The following ADAM12 variants were observed in gnomAD, a reference collection of about 807,000 sequenced individuals.
ADAM12 encodes disintegrin and metalloproteinase domain-containing protein 12.
A neutral mutation model predicts 106.4 loss-of-function variants in ADAM12; 70 were observed. The observed-to-expected ratio is 0.66, with a 90% CI of 0.54 to 0.80. The LOEUF (loss-of-function observed/expected upper bound fraction) is 0.80. Among genes scored for constraint, ADAM12 ranks in the 30% least tolerant of loss-of-function variants. ADAM12 has a pLI of 0.00. For synonymous variants in ADAM12, 420 were observed against 433.5 expected (o/e 0.97, Z 0.39); for missense variants, 1,010 against 1,171.9 (o/e 0.86, Z 2.02).
intron 10 of ADAM12, among the ~76,000 whole-genome samples, chr10:126,094,751 T>G (rs3781033): frequency 6.6e-6 from 1 of 151,992 alleles, no homozygotes; most frequent in Non-Finnish European, 1.5e-5. Context: ...ACCAGCTATA[T>G]CTTATTCTTG....
intron 5 of ADAM12, among the ~76,000 whole-genome samples, chr10:126,121,794 C>G (rs1365071636): frequency 6.6e-6 from 1 of 152,022 alleles, no homozygotes; most frequent in African/African-American, 2.4e-5. Flanking sequence ...TTTAACAACT[C>G]TTAAATTTTA....
At chr10:126,171,590 C>T (rs373077426) in intron 3 of ADAM12, among the ~76,000 whole-genome samples, 22 of 152,212 alleles carry the variant, frequency 1.4e-4, no homozygotes, top group African/African-American at 5.3e-4. Context: ...TTGTTCACCG[C>T]TAAGTCTCCA....
intron 1 of ADAM12, among the ~76,000 whole-genome samples, chr10:126,355,081 A>C (rs1423009416): frequency 6.6e-6 from 1 of 152,224 alleles, no homozygotes; most frequent in Non-Finnish European, 1.5e-5. Flanking sequence ...ACATCAAAAT[A>C]TATGGAATGA....
At chr10:126,221,971 A>G (rs1281330615) in intron 3 of ADAM12, among the ~76,000 whole-genome samples, 2 of 152,212 alleles carry the variant, frequency 1.3e-5, no homozygotes, top group African/African-American at 4.8e-5. Flanking sequence ...ACAAGAAGTC[A>G]TCTTGTTCTA....
In ADAM12 at chr10:126,245,443, C is replaced by T. The variant is rs1958610412; in HGVS notation, c.260+33472G>A. Among the ~76,000 whole-genome samples the T allele has an allele frequency of 2.0e-5, 3 of 152,276 alleles. No individual in the cohort carries two copies. The South Asian group carries it at 6.2e-4, about 32-fold the overall frequency. On this transcript the variant is annotated intron_variant, in intron 3 of 22. Transcript: ENST00000448723. ...GCCCACTATGGAGGCATGGGGGACA[C>T]CAGGAGCTCCCAGTTGGAGAGGATG...
intron 1 of ADAM12, among the ~76,000 whole-genome samples, chr10:126,331,841 G>A (rs545748986): frequency 1.3e-5 from 2 of 152,278 alleles, no homozygotes; most frequent in South Asian, 4.1e-4. Context: ...AGCAAGTGGA[G>A]GTGCTGGCTC....
At chr10:126,077,015 G>T (rs1049847289) in intron 11 of ADAM12, among the ~76,000 whole-genome samples, 1 of 152,164 alleles carries the variant, frequency 6.6e-6, no homozygotes, top group African/African-American at 2.4e-5. Flanking sequence ...TAAAAATTCT[G>T]CCAAAAGGCT....
chr10:126,075,325 G>A (rs142534473), intron 11 of ADAM12, among the ~76,000 whole-genome samples: 54 of 152,262 alleles, frequency 3.5e-4, no homozygotes, highest in African/African-American at 1.2e-3. Context: ...AGGAAGTCAG[G>A]CTTTAGAGGA....
At position 126,071,495 on chromosome 10, in the gene ADAM12, A is replaced by G; in HGVS notation, c.1305T>C (p.Cys435=). 2 of 1,613,974 alleles carry G rather than the reference A, an allele frequency of 1.2e-6. No homozygotes were observed. Among genetic ancestry groups the G allele is most frequent in the Non-Finnish European group, 1.7e-6 (2 of 1,179,984 alleles). The stretch of plus-strand genomic sequence containing the variant: ...TTCTTACCTCTGGCTCCCCACAGTC[A>G]CACTCCTCTCCTTCTTCCACAAATC... ...GNRFVEEGEE[C]DCGEPEECMN... Residue 435 remains cysteine (C), a synonymous_variant, in exon 12 of 23, where the codon TGT becomes TGC. Transcript: ENST00000448723.
intron 21 of ADAM12, among the ~76,000 whole-genome samples, chr10:126,021,287 A>G (rs1953762661): frequency 6.6e-6 from 1 of 152,236 alleles, no homozygotes; most frequent in Non-Finnish European, 1.5e-5. Flanking sequence ...CCCAGTATAT[A>G]TCTAGCAACA....
chr10:126,130,658 C>A (rs1956288384), intron 5 of ADAM12, among the ~76,000 whole-genome samples: 1 of 152,188 alleles, frequency 6.6e-6, no homozygotes, highest in Non-Finnish European at 1.5e-5. Flanking sequence ...GAACTGGCAA[C>A]CCTGACAGTT....
At chr10:126,191,287 C>T (rs6597743) in intron 3 of ADAM12, among the ~76,000 whole-genome samples, 41,972 of 151,820 alleles carry the variant, frequency 0.28, 7,742 homozygotes, top group East Asian at 0.51. Context: ...AGTCACCGGG[C>T]CCAGTCTATG....
At chr10:126,021,528 A>AT (rs1457411752) in intron 21 of ADAM12, among the ~76,000 whole-genome samples, 1 of 152,240 alleles carries the variant, frequency 6.6e-6, no homozygotes, top group Non-Finnish European at 1.5e-5. Flanking sequence ...TGGGCTAGGA[A>AT]AAAGCCCCTG....
chr10:126,048,312 T>C (rs555072601), intron 16 of ADAM12, among the ~76,000 whole-genome samples: 1 of 152,294 alleles, frequency 6.6e-6, no homozygotes, highest in African/African-American at 2.4e-5. Flanking sequence ...CAAAATATGA[T>C]TTGAGCCTAA....
At chr10:126,041,381 C>G in intron 18 of ADAM12, 2 of 985,724 alleles carry the variant, frequency 2.0e-6, no homozygotes, top group Non-Finnish European at 2.4e-6. Flanking sequence ...GTAATGGCCA[C>G]GGGGGATGGA....
chr10:126,086,670 AAAAAAAAAAAATATATATAT>A (rs1167809311), intron 11 of ADAM12, among the ~76,000 whole-genome samples: 6 of 41,488 alleles, frequency 1.4e-4, no homozygotes, highest in East Asian at 1.4e-3. Context: ...AAAAAAAAAA[AAAAAAAAAAAATATATATAT>A]ATATATATAT....
rs191634748 is a variant in ADAM12 at position 126,307,694 on chromosome 10, C to T, written c.186+22718G>A. 3.9e-5 allele frequency among the ~76,000 whole-genome samples: 6 copies of T among 152,194 alleles called. No homozygotes were observed. In the East Asian group the frequency reaches 1.2e-3, roughly 29 times the overall value. On this transcript the variant is annotated intron_variant, in intron 2 of 22. Coordinates refer to ENST00000448723, the MANE Select transcript of ADAM12 (RefSeq NM_001288973.2). Reference sequence around the variant, plus strand: ...TAGCTGGGACTTCAGGTGCATGCCACCATGCCCAGCTAATTTTTGTATTTT... The same window carrying T: ...TAGCTGGGACTTCAGGTGCATGCCATCATGCCCAGCTAATTTTTGTATTTT...
At chr10:126,287,808 C>T (rs74853679) in intron 2 of ADAM12, among the ~76,000 whole-genome samples, 4 of 152,062 alleles carry the variant, frequency 2.6e-5, no homozygotes, top group African/African-American at 9.7e-5. Context: ...CTCTTCCTAG[C>T]AAAGTTCCTC....
intron 11 of ADAM12, among the ~76,000 whole-genome samples, chr10:126,079,106 G>A (rs1306451311): frequency 6.6e-6 from 1 of 152,166 alleles, no homozygotes; most frequent in Non-Finnish European, 1.5e-5. Flanking sequence ...GAAAACTCAA[G>A]GTAGGGGCCT....
Sources: allele counts gnomAD v4.1 joint callset (sites outside exome capture counted in the v4.1 genomes callset), GRCh38; gene constraint gnomAD v4.1.1; transcripts MANE v1.5; gene names NCBI Gene and HGNC (gene_info 2026-07-23, HGNC 2026-07-21).